ABCB5: variants seen among roughly 807,000 people sequenced by gnomAD.
The protein encoded by ABCB5 is ATP binding cassette subfamily B member 5, also known as ATP-binding cassette sub-family B member 5.
A neutral mutation model predicts 144.2 loss-of-function variants in ABCB5; 155 were observed. The observed-to-expected ratio is 1.08, with a 90% CI of 0.94 to 1.23. The LOEUF (loss-of-function observed/expected upper bound fraction) is 1.23, where lower values mean the gene tolerates loss of function less well. Ranked by LOEUF, ABCB5 falls within the 50% of genes most tolerant of loss-of-function variation. ABCB5 has a pLI of 0.00. For synonymous variants in ABCB5, 610 were observed against 528.6 expected, an observed-to-expected ratio of 1.15 and a Z score of -2.11; for missense variants, 1,830 against 1,520.8, an observed-to-expected ratio of 1.20 and a Z score of -3.38.
chr7:20,697,162 A>G (rs7793093), intron 16 of ABCB5, among the ~76,000 whole-genome samples: 131,139 of 152,184 alleles, frequency 0.86, 56,528 homozygotes, highest in South Asian at 0.89. Context: ...CAGCAGGAAA[A>G]ATGATGGATA....
At chr7:20,650,801 T>G (rs1225856593) in intron 12 of ABCB5, among the ~76,000 whole-genome samples, 1 of 152,180 alleles carries the variant, frequency 6.6e-6, no homozygotes, top group Non-Finnish European at 1.5e-5. Flanking sequence ...ACATAAATTA[T>G]TAGATGAGTG....
At chr7:20,734,534 A>G (rs1454807503) in intron 23 of ABCB5, among the ~76,000 whole-genome samples, 1 of 151,734 alleles carries the variant, frequency 6.6e-6, no homozygotes, top group Non-Finnish European at 1.5e-5. Context: ...GTCTCTTTCA[A>G]AAATGACATT....
chr7:20,658,715 G>C, intron 14 of ABCB5, 39 bp downstream of exon 14: 3 of 1,600,778 alleles, frequency 1.9e-6, no homozygotes, highest in Middle Eastern at 1.7e-4. Flanking sequence ...CATACTCCTG[G>C]TTCATTATTG....
intron 26 of ABCB5, among the ~76,000 whole-genome samples, chr7:20,746,113 T>A (rs1782713654): frequency 6.6e-6 from 1 of 152,168 alleles, no homozygotes; most frequent in Non-Finnish European, 1.5e-5. Context: ...TTTCTTTTTT[T>A]TTTTTGACAG....
intron 4 of ABCB5, among the ~76,000 whole-genome samples, chr7:20,630,958 T>C (rs1254524262): frequency 6.6e-6 from 1 of 152,202 alleles, no homozygotes; most frequent in Non-Finnish European, 1.5e-5. Context: ...ATTACTGGTA[T>C]ATTATAACAC....
At chr7:20,738,889 T>C (rs1261326105) in intron 23 of ABCB5, 94 bp from the exon 24 acceptor site, 3 of 1,364,284 alleles carry the variant, frequency 2.2e-6, no homozygotes, top group African/African-American at 3.0e-5. Context: ...CAAAAGATTA[T>C]ATTCCTGTGC....
intron 13 of ABCB5, among the ~76,000 whole-genome samples, chr7:20,652,295 C>T (rs1003137945): frequency 1.3e-5 from 2 of 152,124 alleles, no homozygotes; most frequent in South Asian, 2.1e-4. Flanking sequence ...AGGCCGGGTG[C>T]GGTGGCTCAC....
intron 20 of ABCB5, among the ~76,000 whole-genome samples, chr7:20,705,234 A>C (rs1786781695): frequency 6.6e-6 from 1 of 152,206 alleles, no homozygotes; most frequent in Non-Finnish European, 1.5e-5. Flanking sequence ...TCATGTGTGC[A>C]TCAGAAATGA....
chr7:20,693,448 G>A (rs1304323737), intron 16 of ABCB5, among the ~76,000 whole-genome samples: 1 of 152,032 alleles, frequency 6.6e-6, no homozygotes, highest in African/African-American at 2.4e-5. Flanking sequence ...AACAGAAAGT[G>A]GTCTGGGAAA....
intron 24 of ABCB5, among the ~76,000 whole-genome samples, chr7:20,739,903 G>A (rs1179806297): frequency 2.6e-5 from 4 of 152,082 alleles, no homozygotes; most frequent in Admixed American, 2.0e-4. Flanking sequence ...GAAATAATAG[G>A]TAGGGTGTAT....
chr7:20,674,694 G>GA (rs887321625), intron 14 of ABCB5, among the ~76,000 whole-genome samples: 28 of 95,416 alleles, frequency 2.9e-4, no homozygotes, highest in South Asian at 6.5e-4. Flanking sequence ...TGTCAAATAA[G>GA]AAAAAAAAAA....
intron 20 of ABCB5, among the ~76,000 whole-genome samples, chr7:20,717,715 G>T (rs1021572479): frequency 1.3e-5 from 2 of 151,472 alleles, no homozygotes; most frequent in African/African-American, 4.9e-5. Flanking sequence ...GGGATTACAG[G>T]CGCGAGCCAC....
chr7:20,738,973 C>T lies in ABCB5; in HGVS notation c.2868-10C>T. 1 of 1,579,430 alleles carries T rather than the reference C, an allele frequency of 6.3e-7. No individual in the cohort carries two copies. Among genetic ancestry groups the T allele is most frequent in the Non-Finnish European group, 8.6e-7 (1 of 1,164,062 alleles). ...TGGACCTAAGATTCAAATGCTTTAT[C>T]TTTTGATAGAGTTTTTACTGCAATT... On this transcript the variant is annotated splice_polypyrimidine_tract_variant and intron_variant, in intron 23 of 27. Coordinates refer to ENST00000404938, the MANE Select transcript of ABCB5 (RefSeq NM_001163941.2).
chr7:20,737,628 T>G (rs1487353240), intron 23 of ABCB5, among the ~76,000 whole-genome samples: 1 of 152,174 alleles, frequency 6.6e-6, no homozygotes, highest in Non-Finnish European at 1.5e-5. Context: ...TCTACCCCTT[T>G]GGGACTAGAA....
chr7:20,681,120 C>CTTTCTTTCT (rs1562559376), intron 14 of ABCB5, among the ~76,000 whole-genome samples: 3 of 87,888 alleles, frequency 3.4e-5, no homozygotes, highest in African/African-American at 1.2e-4. Context: ...TTCTTTCTTT[C>CTTTCTTTCT]TTTCTTTTTC....
intron 20 of ABCB5, among the ~76,000 whole-genome samples, chr7:20,717,766 T>C (rs975059150): frequency 2.6e-5 from 4 of 151,336 alleles, no homozygotes; most frequent in African/African-American, 9.7e-5. Context: ...AGAATATCTA[T>C]CAGGTTAGAT....
chr7:20,693,149 A>G (rs1786289853), intron 16 of ABCB5, among the ~76,000 whole-genome samples: 2 of 152,094 alleles, frequency 1.3e-5, no homozygotes, highest in Non-Finnish European at 2.9e-5. Flanking sequence ...ATAAACTTTT[A>G]AAAATTCACA....
At chr7:20,722,828 AAAAAT>A (rs1781915861) in intron 20 of ABCB5, among the ~76,000 whole-genome samples, 183 bp from the exon 21 acceptor site, 1 of 152,166 alleles carries the variant, frequency 6.6e-6, no homozygotes, top group African/African-American at 2.4e-5. Flanking sequence ...TCCCGGAAAA[AAAAAT>A]AAAATAAGTA....
chr7:20,711,825 TTTC>T (rs1401110730), intron 20 of ABCB5, among the ~76,000 whole-genome samples: 2 of 54,554 alleles, frequency 3.7e-5, no homozygotes, highest in Non-Finnish European at 5.8e-5. Flanking sequence ...TCTTTCTTTC[TTTC>T]TTTCTTTCTT....
Sources: allele counts gnomAD v4.1 joint callset (sites outside exome capture counted in the v4.1 genomes callset), GRCh38; gene constraint gnomAD v4.1.1; transcripts MANE v1.5; gene names NCBI Gene and HGNC (gene_info 2026-07-23, HGNC 2026-07-21).